NELFB: variants seen among roughly 807,000 people sequenced by gnomAD.
NELFB encodes the protein negative elongation factor B.
In NELFB, 34 loss-of-function variants were observed where a neutral mutation model predicts 60.2. The ratio of observed to expected loss-of-function variants is 0.56; its 90% CI spans 0.43 to 0.75. The LOEUF (loss-of-function observed/expected upper bound fraction) is 0.75, where lower values mean the gene tolerates loss of function less well. Among genes scored for constraint, NELFB ranks in the 30% least tolerant of loss-of-function variants. The pLI, the probability that NELFB is intolerant of heterozygous loss-of-function variation, is 0.00. For missense variants in NELFB, 770 were observed against 831.6 expected (o/e 0.93, Z 0.91); for synonymous variants, 459 against 382.1 (o/e 1.20, Z -2.35).
At chr9:137,265,411 CAG>C (rs1272066926) in intron 6 of NELFB, among the ~76,000 whole-genome samples, 2 of 13,678 alleles carry the variant, frequency 1.5e-4, no homozygotes, top group Non-Finnish European at 2.5e-4. Flanking sequence ...TTTTTTGAGA[CAG>C]AGTCTCGCTC....
At position 137,272,193 on chromosome 9, in the gene NELFB, C is replaced by T. The variant is rs61750948; in HGVS notation, c.1602C>T (p.Phe534=). The change falls in exon 11 of 13, where the codon TTC becomes TTT. Residue 534 remains phenylalanine, a synonymous_variant. Coordinates refer to ENST00000343053, the MANE Select transcript of NELFB (RefSeq NM_015456.5). The stretch of plus-strand genomic sequence containing the variant: ...TTGAGGACTTCTGCAGCAGCCTCTT[C>T]GATGGCTTCTTCCTCACCGCCTCTC... The T allele has an allele frequency of 6.0e-3, 9,663 of 1,614,190 alleles. 113 individuals are homozygous for T. Among genetic ancestry groups the T allele is most frequent in the South Asian group, 0.035 (3,179 of 91,086 alleles).
chr9:137,257,109 G>A (rs1837566774), intron 4 of NELFB, 55 bp downstream of exon 4: 2 of 1,466,792 alleles, frequency 1.4e-6, no homozygotes, highest in Non-Finnish European at 1.9e-6. Context: ...GCCACGGCTA[G>A]CGCCTTCAGC....
rs72765113 is a variant in NELFB, at chr9:137,259,613, C to T, written c.741+2559C>T. On this transcript the variant is annotated intron_variant, in intron 4 of 12. Coordinates refer to ENST00000343053, the MANE Select transcript of NELFB (RefSeq NM_015456.5). ...TGTAAGGGAAATCAGTCGGCTTGGT[C>T]GGCTTAGTCCTAGGTTGATTCTCTT... Among the ~76,000 whole-genome samples the T allele has an allele frequency of 4.3e-3, 648 of 151,954 alleles. 5 individuals are homozygous for T. The highest frequency in any genetic ancestry group is 8.4e-3 in the Non-Finnish European group (568 of 67,930).
intron 4 of NELFB, among the ~76,000 whole-genome samples, chr9:137,259,363 G>A (rs1439284070): frequency 6.6e-6 from 1 of 152,216 alleles, no homozygotes; most frequent in African/African-American, 2.4e-5. Context: ...GACCATGTGC[G>A]TGGGCAGCAG....
At position 137,255,861 on chromosome 9, in the gene NELFB, C is replaced by A. The variant is rs763427607; in HGVS notation, c.247-46C>A. On this transcript the variant is annotated intron_variant, in intron 1 of 12. Transcript: ENST00000343053. ...CCTGTGCTCTCAGGACCTCGGGGTGCCCGGGCGCACTGGGCTGCGTTTGAG... is the reference window on the plus strand; with the variant it reads ...CCTGTGCTCTCAGGACCTCGGGGTGACCGGGCGCACTGGGCTGCGTTTGAG... 7 of 1,600,192 alleles carry A rather than the reference C, an allele frequency of 4.4e-6. No homozygotes were observed. In the South Asian group the frequency reaches 7.8e-5, roughly 18 times the overall value.
chr9:137,260,878 G>A (rs1830431247), intron 4 of NELFB, among the ~76,000 whole-genome samples: 1 of 151,358 alleles, frequency 6.6e-6, no homozygotes, highest in Non-Finnish European at 1.5e-5. Flanking sequence ...GACCAACATG[G>A]TAAAAACCCA....
rs762179684 is a variant in NELFB, at chr9:137,256,935, G to A, written c.622G>A (p.Glu208Lys). 9.9e-6 allele frequency: 16 copies of A among 1,614,198 alleles called. No individual in the cohort carries two copies. Among genetic ancestry groups the A allele is most frequent in the Non-Finnish European group, 1.2e-5 (14 of 1,180,042 alleles). Residue 208 changes from glutamate to lysine, a missense_variant, in exon 4 of 13, where the codon GAG becomes AAG. Transcript: ENST00000343053. Reference sequence around the variant, plus strand: ...AGACAACCAGGCCCTCTTCGGGGACGAGGTTTCCCCACTCCTGAAGCAGTA... The same window carrying A: ...AGACAACCAGGCCCTCTTCGGGGACAAGGTTTCCCCACTCCTGAAGCAGTA...
At chr9:137,259,449 G>T (rs1830396370) in intron 4 of NELFB, among the ~76,000 whole-genome samples, 2 of 151,972 alleles carry the variant, frequency 1.3e-5, no homozygotes, top group African/African-American at 4.8e-5. Flanking sequence ...GTCCTCCATG[G>T]GCCTTTTTCT....
Position 137,256,714 on chromosome 9 carries a change from G to GGTGGA in NELFB, c.511-108_511-104dup, listed in dbSNP as rs1258748613. 3 of 979,432 alleles carry GGTGGA rather than the reference G, an allele frequency of 3.1e-6. No homozygotes were observed. The African/African-American group carries it at 4.9e-5, about 16-fold the overall frequency. The allele number at this position is 979,432 out of a possible 1,614,324, so 60.7% of individuals were successfully genotyped here. On this transcript the variant is annotated intron_variant, in intron 3 of 12. Coordinates refer to ENST00000343053, the MANE Select transcript of NELFB (RefSeq NM_015456.5). ...GGAACCAGTCATAGGTGCCCTGTGGGGTGGAGCTTAGCTCGAGGTGGTCTC... is the reference window on the plus strand; with the variant it reads ...GGAACCAGTCATAGGTGCCCTGTGGGGTGGAGTGGAGCTTAGCTCGAGGTGGTCTC...
In NELFB at chr9:137,272,240, C is replaced by A; in HGVS notation, c.1631+18C>A. 7 of 1,613,550 alleles carry A rather than the reference C, an allele frequency of 4.3e-6. No homozygotes were observed. Among genetic ancestry groups the A allele is most frequent in the Non-Finnish European group, 5.9e-6 (7 of 1,179,746 alleles). ...TCTCCAAGGTAGGCCTGCTGGGTAC[C>A]ATCCGGCCCGCTCTGTCCTCTCAGC... On this transcript the variant is annotated intron_variant, in intron 11 of 12. Coordinates refer to ENST00000343053, the MANE Select transcript of NELFB (RefSeq NM_015456.5).
intron 3 of NELFB, 25 bp downstream of exon 3, chr9:137,256,453 T>G: frequency 6.2e-7 from 1 of 1,600,348 alleles, no homozygotes; most frequent in Non-Finnish European, 8.6e-7. Context: ...CTAACCCTGA[T>G]GGCGTGGACC....
At chr9:137,270,164 C>G (rs886216314) in intron 10 of NELFB, among the ~76,000 whole-genome samples, 2 of 151,444 alleles carry the variant, frequency 1.3e-5, no homozygotes, top group African/African-American at 4.9e-5. Flanking sequence ...GTAGGCATCT[C>G]TACAAAAGAA....
At position 137,261,321 on chromosome 9, in the gene NELFB, C is replaced by A. The variant is rs1223980003; in HGVS notation, c.742-1716C>A. ...CGCCACTGCACTCCAGCCTGGGTAA[C>A]AGAGCACGACTCGGTTTCAAAAAAA... On this transcript the variant is annotated intron_variant, in intron 4 of 12. Transcript: ENST00000343053. 7.5e-4 allele frequency among the ~76,000 whole-genome samples: 91 copies of A among 121,796 alleles called. 1 individual carries two copies. Among genetic ancestry groups the A allele is most frequent in the African/African-American group, 2.9e-3 (90 of 30,918 alleles). 79.9% of individuals were successfully genotyped at this position (121,796 alleles called of 152,430 possible).
At chr9:137,261,634 GGTGACA>G (rs898153775) in intron 4 of NELFB, among the ~76,000 whole-genome samples, 20 of 145,466 alleles carry the variant, frequency 1.4e-4, no homozygotes, top group African/African-American at 5.1e-4. Context: ...CTCCAGCCTG[GGTGACA>G]GCGCAAGACT....
chr9:137,270,474 C>G (rs1830570862), intron 10 of NELFB, among the ~76,000 whole-genome samples: 1 of 150,014 alleles, frequency 6.7e-6, no homozygotes, highest in Admixed American at 6.7e-5. Context: ...CCTGTAGTCC[C>G]AGCTACTCGG....
rs1014272264 is a variant in NELFB at position 137,269,291 on chromosome 9, C to T, written c.1489+1945C>T. Among the ~76,000 whole-genome samples, 5 of 152,088 alleles carry T rather than the reference C, an allele frequency of 3.3e-5. No homozygotes were observed. The highest frequency in any genetic ancestry group is 1.2e-4 in the African/African-American group (5 of 41,412). On this transcript the variant is annotated intron_variant, in intron 10 of 12. Transcript: ENST00000343053. The surrounding 1 kb of genome is among the most constrained non-coding windows in gnomAD (Gnocchi z 5.3). ...GACCACAGACAGTGGCATTAGACAG[C>T]GCAGGCAGACATGACCTCCTGGGCT...
At chr9:137,257,504 C>CTT in intron 4 of NELFB, among the ~76,000 whole-genome samples, 1 of 121,300 alleles carries the variant, frequency 8.2e-6, no homozygotes, top group Non-Finnish European at 1.7e-5. Flanking sequence ...TTTTCTTTTT[C>CTT]TTTTTTTTTT....
intron 6 of NELFB, among the ~76,000 whole-genome samples, chr9:137,264,918 G>A (rs991534206): frequency 3.3e-4 from 50 of 152,178 alleles, no homozygotes; most frequent in African/African-American, 1.0e-3. Context: ...CTGCAGTGGC[G>A]TGGGGTCAGC....
At chr9:137,268,088 A>G (rs67211234) in intron 10 of NELFB, among the ~76,000 whole-genome samples, 27,187 of 152,178 alleles carry the variant, frequency 0.18, 2,777 homozygotes, top group East Asian at 0.49. Flanking sequence ...GGCACCTTCA[A>G]GAGTAGAGCT....
Sources: gnomAD v4.1 joint callset for allele counts (sites outside exome capture counted in the v4.1 genomes callset) on GRCh38, gnomAD v4.1.1 for gene constraint, Gnocchi (gnomAD v3.1) non-coding constraint, MANE v1.5 for transcripts, NCBI Gene and HGNC (gene_info 2026-07-23, HGNC 2026-07-21) for gene names.